ERC1: variants seen among roughly 807,000 people sequenced by gnomAD.
ERC1 encodes ELKS/RAB6-interacting/CAST family member 1, also known as RAB6 interacting protein 2.
In ERC1, 56 loss-of-function variants were observed where a neutral mutation model predicts 132.0. The ratio of observed to expected loss-of-function variants is 0.42; its 90% CI spans 0.34 to 0.53. The LOEUF (loss-of-function observed/expected upper bound fraction) is 0.53. Among genes scored for constraint, ERC1 ranks in the 20% least tolerant of loss-of-function variants. The pLI, the probability that ERC1 is intolerant of heterozygous loss-of-function variation, is 0.03. For synonymous variants in ERC1, 478 were observed against 476.1 expected, an observed-to-expected ratio of 1.00 and a Z score of -0.05; for missense variants, 1,202 against 1,349.9, an observed-to-expected ratio of 0.89 and a Z score of 1.72.
intron 14 of ERC1, among the ~76,000 whole-genome samples, chr12:1,278,195 A>G (rs1248815799): frequency 2.0e-5 from 3 of 152,348 alleles, no homozygotes; most frequent in Admixed American, 2.0e-4. Context: ...GAATTCTGCC[A>G]TCTCTGGCTT....
intron 2 of ERC1, among the ~76,000 whole-genome samples, chr12:1,037,815 C>T (rs953011336): frequency 7.9e-5 from 12 of 151,896 alleles, no homozygotes; most frequent in African/African-American, 2.7e-4. Flanking sequence ...GAGGCCGAGG[C>T]GGGCAGATCA....
At chr12:1,219,117 C>A (rs999568942) in intron 12 of ERC1, among the ~76,000 whole-genome samples, 1 of 152,118 alleles carries the variant, frequency 6.6e-6, no homozygotes, top group African/African-American at 2.4e-5. Context: ...AGGTGATCCA[C>A]CCGCCTTGGC....
intron 15 of ERC1, among the ~76,000 whole-genome samples, chr12:1,367,724 C>T (rs1480802306): frequency 6.6e-6 from 1 of 152,052 alleles, no homozygotes; most frequent in African/African-American, 2.4e-5. Flanking sequence ...ACAAATGCCG[C>T]AGCAGAGCCC....
At chr12:1,297,894 AG>A (rs1303202352) in intron 15 of ERC1, among the ~76,000 whole-genome samples, 1 of 152,124 alleles carries the variant, frequency 6.6e-6, no homozygotes, top group Non-Finnish European at 1.5e-5. Context: ...AAATATTAGG[AG>A]GTAGAATTGT....
At chr12:1,063,065 C>T (rs911315396) in intron 2 of ERC1, among the ~76,000 whole-genome samples, 1 of 151,902 alleles carries the variant, frequency 6.6e-6, no homozygotes, top group Non-Finnish European at 1.5e-5. Flanking sequence ...TCCATTCCTT[C>T]ATTTTCTTTT....
intron 15 of ERC1, among the ~76,000 whole-genome samples, chr12:1,311,933 A>T (rs796373924): frequency 6.6e-6 from 1 of 152,226 alleles, no homozygotes; most frequent in African/African-American, 2.4e-5. Context: ...AATTTCCACT[A>T]TGTAAAATTA....
At chr12:1,162,709 A>C in intron 8 of ERC1, among the ~76,000 whole-genome samples, 1 of 151,958 alleles carries the variant, frequency 6.6e-6, no homozygotes, top group Non-Finnish European at 1.5e-5. Flanking sequence ...ATTCTGAGAA[A>C]ATATTTTATT....
At chr12:1,333,401 C>T (rs1275127120) in intron 15 of ERC1, among the ~76,000 whole-genome samples, 1 of 144,056 alleles carries the variant, frequency 6.9e-6, no homozygotes, top group Non-Finnish European at 1.5e-5. Flanking sequence ...GGCGCGACGT[C>T]GGCTCACTGC....
At chr12:1,341,355 A>T (rs188628957) in intron 15 of ERC1, among the ~76,000 whole-genome samples, 1 of 151,984 alleles carries the variant, frequency 6.6e-6, no homozygotes, top group African/African-American at 2.4e-5. Flanking sequence ...CTATAAAGAC[A>T]TGCACACATA....
chr12:1,015,191 C>T lies in ERC1; in HGVS notation c.-156-12557C>T, dbSNP rs115977656. On this transcript the variant is annotated intron_variant, in intron 1 of 18. Coordinates refer to ENST00000360905, the MANE Select transcript of ERC1 (RefSeq NM_178040.4). ...TCAGGCAATCCTCTCACCTGAGTAA[C>T]TGGTACTACAGGCACACACCACCTT... is the stretch of plus-strand genomic sequence containing the variant. 4.7e-3 allele frequency among the ~76,000 whole-genome samples: 717 copies of T among 151,832 alleles called. 3 individuals are homozygous for T. Among genetic ancestry groups the T allele is most frequent in the African/African-American group, 0.016 (680 of 41,380 alleles).
intron 2 of ERC1, among the ~76,000 whole-genome samples, chr12:1,058,430 G>A (rs1169037420): frequency 1.3e-5 from 2 of 152,202 alleles, no homozygotes; most frequent in Non-Finnish European, 2.9e-5. Flanking sequence ...AGTTTTCCCA[G>A]TACTATCTAT....
At chr12:1,169,893 A>G (rs1952864646) in intron 8 of ERC1, among the ~76,000 whole-genome samples, 1 of 152,212 alleles carries the variant, frequency 6.6e-6, no homozygotes, top group South Asian at 2.1e-4. Flanking sequence ...TGGGTTAAAT[A>G]ATACAGTTGC....
rs1199849805 is a variant in ERC1 at position 1,253,450 on chromosome 12, G to A, written c.2488-9584G>A. On this transcript the variant is annotated intron_variant, in intron 13 of 18. Transcript: ENST00000360905. Reference sequence around the variant, plus strand: ...CCAGCACTTTGGGAAGCCGAGGCGGGCAGATCACCTGAGGTCAGGAGTTCG... The same window carrying A: ...CCAGCACTTTGGGAAGCCGAGGCGGACAGATCACCTGAGGTCAGGAGTTCG... 1.4e-4 allele frequency among the ~76,000 whole-genome samples: 22 copies of A among 152,282 alleles called. No individual in the cohort carries two copies. The East Asian group carries it at 3.1e-3, about 21-fold the overall frequency.
At chr12:1,420,816 T>C (rs1465781531) in intron 17 of ERC1, among the ~76,000 whole-genome samples, 1 of 151,218 alleles carries the variant, frequency 6.6e-6, no homozygotes, top group Admixed American at 6.6e-5. Flanking sequence ...ACAAAATGAG[T>C]GTATTTCTTT....
intron 17 of ERC1, among the ~76,000 whole-genome samples, chr12:1,421,325 C>T (rs1273281635): frequency 6.6e-6 from 1 of 152,200 alleles, no homozygotes; most frequent in Admixed American, 6.5e-5. Flanking sequence ...TTAATTATCT[C>T]AAGGCAGCTG....
At chr12:1,231,245 C>T (rs557258203) in intron 12 of ERC1, among the ~76,000 whole-genome samples, 2 of 151,804 alleles carry the variant, frequency 1.3e-5, no homozygotes, top group African/African-American at 4.8e-5. Flanking sequence ...CATAAGATAT[C>T]TTAGGCTGTT....
chr12:1,138,186 CATAT>C (rs1251907730), intron 7 of ERC1, among the ~76,000 whole-genome samples: 1 of 102,276 alleles, frequency 9.8e-6, no homozygotes, highest in African/African-American at 5.0e-5. Context: ...TAATATATAT[CATAT>C]ATAATTATAT....
chr12:1,070,528 C>A (rs937215221), intron 2 of ERC1, among the ~76,000 whole-genome samples: 2 of 152,000 alleles, frequency 1.3e-5, no homozygotes, highest in African/African-American at 4.8e-5. Flanking sequence ...TCAAGCAGTC[C>A]TTCCTCCTCG....
At chr12:1,365,078 G>A (rs2086527178) in intron 15 of ERC1, among the ~76,000 whole-genome samples, 1 of 152,042 alleles carries the variant, frequency 6.6e-6, no homozygotes, top group Non-Finnish European at 1.5e-5. Context: ...AATCTTTTTA[G>A]ATTAACATAG....
Sources: gnomAD v4.1 joint callset for allele counts (sites outside exome capture counted in the v4.1 genomes callset) on GRCh38, gnomAD v4.1.1 for gene constraint, MANE v1.5 for transcripts, NCBI Gene and HGNC (gene_info 2026-07-23, HGNC 2026-07-21) for gene names.